AVEN: variants seen among roughly 807,000 people sequenced by gnomAD.
AVEN encodes cell death regulator Aven.
Under a neutral mutation model 38.1 loss-of-function variants are expected in AVEN, and 41 were observed. The observed-to-expected ratio is 1.08, with a 90% confidence interval of 0.84 to 1.40. The LOEUF (loss-of-function observed/expected upper bound fraction) is 1.40. AVEN is among the 40% of genes most tolerant of loss of function. The pLI, the probability that AVEN is intolerant of heterozygous loss-of-function variation, is 0.00. For missense variants in AVEN, 605 were observed against 438.8 expected, an observed-to-expected ratio of 1.38 and a Z score of -3.38; for synonymous variants, 206 against 171.8, an observed-to-expected ratio of 1.20 and a Z score of -1.56.
intron 5 of AVEN, among the ~76,000 whole-genome samples, chr15:34,061,015 C>CAA (rs1381204975): frequency 0.02 from 1,556 of 78,258 alleles, 38 homozygotes; most frequent in African/African-American, 0.062. Context: ...GACTCCGTCT[C>CAA]AAAAAAAAAA....
At chr15:33,952,858 G>GAAA (rs60788032) in intron 2 of AVEN, among the ~76,000 whole-genome samples, 70 of 91,716 alleles carry the variant, frequency 7.6e-4, no homozygotes, top group African/African-American at 2.6e-3. Flanking sequence ...AGGCTAAAGA[G>GAAA]AAAAAAAAAA....
At chr15:34,007,803 T>C (rs1236295886) in intron 1 of AVEN, among the ~76,000 whole-genome samples, 3 of 152,232 alleles carry the variant, frequency 2.0e-5, no homozygotes, top group Non-Finnish European at 4.4e-5. Context: ...GTTGGCTCTT[T>C]CTGGAAGTTC....
intron 2 of AVEN, among the ~76,000 whole-genome samples, chr15:33,900,879 C>T (rs911874833): frequency 9.9e-5 from 15 of 152,142 alleles, no homozygotes; most frequent in Admixed American, 8.5e-4. Flanking sequence ...GTATCTTCTA[C>T]CTTTCCTTCA....
In AVEN at chr15:33,933,524, C is replaced by CACACACACACACAG. The variant is rs1893945145; in HGVS notation, c.446-57530_446-57529insCTGTGTGTGTGTGT. Reference sequence around the variant, plus strand: ...ACACACACACACACACACACACACACAGAGAGAGAGAGAGAGAGAGAGAGA... The same window carrying CACACACACACACAG: ...ACACACACACACACACACACACACACACACACACACACAGAGAGAGAGAGAGAGAGAGAGAGAGA... On this transcript the variant is annotated intron_variant, in intron 2 of 5. Coordinates refer to ENST00000306730, the MANE Select transcript of AVEN (RefSeq NM_020371.3). 1.5e-3 allele frequency among the ~76,000 whole-genome samples: 69 copies of CACACACACACACAG among 46,644 alleles called. 2 individuals are homozygous for CACACACACACACAG. Among genetic ancestry groups the CACACACACACACAG allele is most frequent in the Non-Finnish European group, 2.6e-3 (58 of 22,450 alleles). The allele number at this position is 46,644 out of a possible 152,430, so 30.6% of individuals were successfully genotyped here.
At chr15:33,865,502 G>A (rs977013912), downstream of AVEN, 5 of 384,402 alleles carry the variant, frequency 1.3e-5, no homozygotes, top group African/African-American at 8.1e-5. Context: ...CAGTTCTGAG[G>A]TAACTAGTTC....
At chr15:33,854,838 C>A (rs186071367), downstream of AVEN, 18 of 1,613,880 alleles carry the variant, frequency 1.1e-5, no homozygotes, top group Non-Finnish European at 1.4e-5. Flanking sequence ...CTTTGCTGCT[C>A]ACCTATTGGA....
chr15:34,017,646 A>G (rs2140697426), intron 1 of AVEN, among the ~76,000 whole-genome samples: 1 of 152,030 alleles, frequency 6.6e-6, no homozygotes, highest in African/African-American at 2.4e-5. Context: ...CACCCAGCTA[A>G]TTTTTGTATT....
At chr15:33,933,522 CACAGAGAG>C (rs1437694282) in intron 2 of AVEN, among the ~76,000 whole-genome samples, 48 of 53,202 alleles carry the variant, frequency 9.0e-4, no homozygotes, top group South Asian at 2.8e-3. Flanking sequence ...CACACACACA[CACAGAGAG>C]AGAGAGAGAG....
At chr15:34,013,922 G>T (rs1040709177) in intron 1 of AVEN, among the ~76,000 whole-genome samples, 1 of 152,144 alleles carries the variant, frequency 6.6e-6, no homozygotes, top group Admixed American at 6.5e-5. Flanking sequence ...GCTATCTTCC[G>T]CCTGCTGACT....
intron 2 of AVEN, among the ~76,000 whole-genome samples, chr15:33,885,160 A>G (rs908484542): frequency 8.5e-5 from 13 of 152,214 alleles, no homozygotes; most frequent in African/African-American, 3.1e-4. Flanking sequence ...TAGGTCGACA[A>G]AGGCTGAGAA....
At chr15:34,039,233 T>A (rs2140798961), upstream of AVEN, 11 of 334,786 alleles carry the variant, frequency 3.3e-5, no homozygotes, top group Non-Finnish European at 4.8e-5. Flanking sequence ...GCGGCCGGCG[T>A]CCCGCAGGTG....
intron 5 of AVEN, among the ~76,000 whole-genome samples, chr15:34,048,496 A>T (rs1322320533): frequency 6.9e-6 from 1 of 145,888 alleles, no homozygotes; most frequent in Non-Finnish European, 1.5e-5. Flanking sequence ...CAGGACCTCC[A>T]TGTGGGGGTT....
intron 1 of AVEN, among the ~76,000 whole-genome samples, chr15:34,008,979 C>CA (rs1233898744): frequency 1.4e-5 from 2 of 144,826 alleles, no homozygotes; most frequent in Non-Finnish European, 3.1e-5. Context: ...CACACACAGA[C>CA]CATCGAGAAA....
chr15:33,928,745 C>T (rs1893726389), intron 2 of AVEN, among the ~76,000 whole-genome samples: 1 of 152,180 alleles, frequency 6.6e-6, no homozygotes, highest in South Asian at 2.1e-4. Context: ...CCAAGAGTCA[C>T]AGAGAAACTA....
chr15:33,962,379 A>G (rs1445126320), intron 2 of AVEN, among the ~76,000 whole-genome samples: 1 of 152,092 alleles, frequency 6.6e-6, no homozygotes, highest in African/African-American at 2.4e-5. Context: ...CCCCAATTTC[A>G]GCATATTGCA....
rs371810583 is a variant in AVEN at position 33,918,924 on chromosome 15, G to T, written c.446-42929C>A. Reference sequence around the variant, plus strand: ...AAATAGCCCATGCCTCTGCTTTTCTGTTTTTTTTTTTTTTGAAATGGAGTC... The same window carrying T: ...AAATAGCCCATGCCTCTGCTTTTCTTTTTTTTTTTTTTTTGAAATGGAGTC... On this transcript the variant is annotated intron_variant, in intron 2 of 5. Coordinates refer to ENST00000306730, the MANE Select transcript of AVEN (RefSeq NM_020371.3). Among the ~76,000 whole-genome samples, 6 of 139,944 alleles carry T rather than the reference G, an allele frequency of 4.3e-5. No individual in the cohort carries two copies. The East Asian group carries it at 1.1e-3, about 25-fold the overall frequency. 91.8% of individuals were successfully genotyped at this position (139,944 alleles called of 152,430 possible).
chr15:34,059,712 C>A (rs555871482), intron 5 of AVEN, among the ~76,000 whole-genome samples: 3 of 152,248 alleles, frequency 2.0e-5, no homozygotes, highest in African/African-American at 7.2e-5. Flanking sequence ...CCAGCCTCCA[C>A]CCACCTTTTG....
intron 2 of AVEN, among the ~76,000 whole-genome samples, chr15:33,937,010 A>G (rs911000029): frequency 6.6e-6 from 1 of 151,576 alleles, no homozygotes; most frequent in Non-Finnish European, 1.5e-5. Context: ...GGGCGCCTGT[A>G]GTCCCAGCCA....
chr15:33,980,133 G>A (rs924332209), intron 2 of AVEN, among the ~76,000 whole-genome samples: 1 of 152,142 alleles, frequency 6.6e-6, no homozygotes, highest in Non-Finnish European at 1.5e-5. Flanking sequence ...GAGCAACTAG[G>A]CACAGAAGAA....
Sources: allele counts gnomAD v4.1 joint callset (sites outside exome capture counted in the v4.1 genomes callset), GRCh38; gene constraint gnomAD v4.1.1; transcripts MANE v1.5; gene names NCBI Gene and HGNC (gene_info 2026-07-23, HGNC 2026-07-21).